AGBL1: variants seen among roughly 807,000 people sequenced by gnomAD.
The protein encoded by AGBL1 is cytosolic carboxypeptidase 4.
A neutral mutation model predicts 118.9 loss-of-function variants in AGBL1; 130 were observed. The ratio of observed to expected loss-of-function variants is 1.09; its 90% confidence interval spans 0.95 to 1.26. The LOEUF is 1.26. AGBL1 is among the 50% of genes most tolerant of loss of function. AGBL1 has a pLI of 0.00. For missense variants in AGBL1, 1,584 were observed against 1,298.1 expected, an observed-to-expected ratio of 1.22 and a Z score of -3.38; for synonymous variants, 555 against 478.9, an observed-to-expected ratio of 1.16 and a Z score of -2.08.
chr15:86,430,366 G>A (rs770084967), intron 18 of AGBL1, among the ~76,000 whole-genome samples: 1 of 151,860 alleles, frequency 6.6e-6, no homozygotes, highest in African/African-American at 2.4e-5. Context: ...GCGGTGATAG[G>A]CACCTGTAGT....
At chr15:86,897,894 T>C (rs2080153437) in intron 22 of AGBL1, among the ~76,000 whole-genome samples, 1 of 149,878 alleles carries the variant, frequency 6.7e-6, no homozygotes. Flanking sequence ...CTCAGCCTCC[T>C]GAGTATCTAG....
At chr15:86,992,786 A>T (rs1215984069) in intron 24 of AGBL1, among the ~76,000 whole-genome samples, 1 of 152,092 alleles carries the variant, frequency 6.6e-6, no homozygotes, top group Non-Finnish European at 1.5e-5. Context: ...ACAATGCCTA[A>T]ACGGCTAAAT....
At chr15:86,467,818 T>C (rs1380531037) in intron 18 of AGBL1, among the ~76,000 whole-genome samples, 31 of 152,162 alleles carry the variant, frequency 2.0e-4, no homozygotes, top group Non-Finnish European at 1.5e-5. Flanking sequence ...GCACCCACTG[T>C]CTAACCAGTT....
At chr15:86,671,599 T>A (rs2085747585) in intron 21 of AGBL1, among the ~76,000 whole-genome samples, 1 of 152,184 alleles carries the variant, frequency 6.6e-6, no homozygotes, top group African/African-American at 2.4e-5. Flanking sequence ...TAAATTTTAT[T>A]TACCTGTTTC....
intron 22 of AGBL1, among the ~76,000 whole-genome samples, chr15:86,787,905 A>G (rs1028604102): frequency 2.0e-5 from 3 of 152,088 alleles, no homozygotes; most frequent in African/African-American, 7.2e-5. Context: ...GTTGATTTCA[A>G]AGAGTCTATA....
At chr15:86,822,436 A>G (rs915331443) in intron 22 of AGBL1, among the ~76,000 whole-genome samples, 1 of 152,128 alleles carries the variant, frequency 6.6e-6, no homozygotes, top group African/African-American at 2.4e-5. Flanking sequence ...GCTGTTTTAT[A>G]ATGTCTGTTC....
At chr15:86,801,272 A>G (rs770700902) in intron 22 of AGBL1, among the ~76,000 whole-genome samples, 1 of 151,992 alleles carries the variant, frequency 6.6e-6, no homozygotes, top group Non-Finnish European at 1.5e-5. Context: ...AAAAGAGAAT[A>G]TGCATGTTTT....
At chr15:86,574,798 G>C (rs150026262) in intron 21 of AGBL1, among the ~76,000 whole-genome samples, 3,493 of 151,390 alleles carry the variant, frequency 0.023, 149 homozygotes, top group East Asian at 0.22. Flanking sequence ...GGCTGGTCTC[G>C]AACTCCTGAC....
chr15:86,400,490 G>A (rs1487678789), intron 18 of AGBL1, among the ~76,000 whole-genome samples: 1 of 143,380 alleles, frequency 7.0e-6, no homozygotes, highest in African/African-American at 2.5e-5. Flanking sequence ...GGGGGAACAG[G>A]TTTTTTTTTT....
At chr15:86,387,617 A>G (rs943480910) in intron 17 of AGBL1, among the ~76,000 whole-genome samples, 1 of 152,220 alleles carries the variant, frequency 6.6e-6, no homozygotes, top group Non-Finnish European at 1.5e-5. Context: ...CAATTTGTGA[A>G]GAAGCTGAAA....
chr15:86,247,401 T>C (rs1187679931), intron 6 of AGBL1, among the ~76,000 whole-genome samples: 1 of 152,222 alleles, frequency 6.6e-6, no homozygotes, highest in Non-Finnish European at 1.5e-5. Flanking sequence ...ATGATCCAAC[T>C]TGGGTTATGC....
intron 5 of AGBL1, among the ~76,000 whole-genome samples, chr15:86,161,520 G>A (rs183455176): frequency 6.6e-5 from 10 of 152,314 alleles, no homozygotes; most frequent in South Asian, 4.1e-4. Context: ...CACCACTGGC[G>A]TATCTTATAC....
chr15:86,924,124 C>G (rs2141623745), intron 23 of AGBL1, among the ~76,000 whole-genome samples: 1 of 152,354 alleles, frequency 6.6e-6, no homozygotes, highest in South Asian at 2.1e-4. Flanking sequence ...TGCATATTCA[C>G]AGATGCACAT....
intron 24 of AGBL1, among the ~76,000 whole-genome samples, chr15:87,001,435 T>C (rs1407741761): frequency 2.0e-5 from 3 of 152,026 alleles, no homozygotes; most frequent in Non-Finnish European, 4.4e-5. Context: ...AGTGCCACAA[T>C]AAATATGTGT....
intron 18 of AGBL1, among the ~76,000 whole-genome samples, chr15:86,409,994 C>T (rs557703977): frequency 3.3e-5 from 5 of 152,294 alleles, no homozygotes; most frequent in East Asian, 3.9e-4. Context: ...AGCATCCCCA[C>T]TTCTAACTCT....
intron 6 of AGBL1, among the ~76,000 whole-genome samples, chr15:86,238,418 C>T (rs769679431): frequency 3.2e-4 from 49 of 152,198 alleles, no homozygotes; most frequent in Non-Finnish European, 5.9e-4. Context: ...ATAATTTACT[C>T]TCTGCCTAGC....
intron 22 of AGBL1, among the ~76,000 whole-genome samples, chr15:86,750,359 A>G (rs970230193): frequency 2.6e-5 from 4 of 152,086 alleles, no homozygotes; most frequent in African/African-American, 7.2e-5. Context: ...TAATGATCAA[A>G]TCAGGGTAAT....
intron 24 of AGBL1, among the ~76,000 whole-genome samples, chr15:86,998,347 A>C (rs2081399123): frequency 6.6e-6 from 1 of 152,168 alleles, no homozygotes; most frequent in African/African-American, 2.4e-5. Context: ...AGGGACAAGA[A>C]ATTGAGGGCA....
At chr15:86,826,922 A>G (rs913168961) in intron 22 of AGBL1, among the ~76,000 whole-genome samples, 32 of 152,056 alleles carry the variant, frequency 2.1e-4, no homozygotes, top group African/African-American at 7.5e-4. Context: ...TATAATGGGT[A>G]AGAACACTGT....
Sources: allele counts gnomAD v4.1 joint callset (sites outside exome capture counted in the v4.1 genomes callset), GRCh38; gene constraint gnomAD v4.1.1; transcripts MANE v1.5; gene names NCBI Gene and HGNC (gene_info 2026-07-23, HGNC 2026-07-21).